The following ERAP2 variants were observed in gnomAD, a reference collection of about 807,000 sequenced individuals.
The protein encoded by ERAP2 is endoplasmic reticulum aminopeptidase 2.
Under a neutral mutation model 111.1 loss-of-function variants are expected in ERAP2, and 118 were observed. That is an observed-to-expected ratio of 1.06 (90% CI 0.92 to 1.24). ERAP2 has a LOEUF of 1.24. Ranked by LOEUF, ERAP2 falls within the 50% of genes most tolerant of loss-of-function variation. The pLI is 0.00. For missense variants in ERAP2, 1,131 were observed against 1,125.8 expected (o/e 1.00, Z -0.07); for synonymous variants, 410 against 401.2 (o/e 1.02, Z -0.26).
intron 5 of ERAP2, among the ~76,000 whole-genome samples, chr5:96,891,565 TATATGGTAC>T (rs1784399646): frequency 7.0e-6 from 1 of 142,060 alleles, no homozygotes; most frequent in Non-Finnish European, 1.5e-5. Flanking sequence ...CACACACACA[TATATGGTAC>T]ACACACACAC....
chr5:96,915,815 T>C, intron 18 of ERAP2, 46 bp downstream of exon 18: 2 of 1,440,194 alleles, frequency 1.4e-6, no homozygotes, highest in Non-Finnish European at 1.9e-6. Flanking sequence ...AATGTTCAAA[T>C]TGTGGAATTG....
intron 6 of ERAP2, among the ~76,000 whole-genome samples, chr5:96,894,227 T>C (rs1784649540): frequency 6.6e-6 from 1 of 152,188 alleles, no homozygotes; most frequent in Non-Finnish European, 1.5e-5. Context: ...TGCTAACTGG[T>C]AAAGTGGCTA....
In ERAP2 at chr5:96,886,697, T is replaced by C. The variant is rs1485818853; in HGVS notation, c.757T>C (p.Phe253Leu). The C allele has an allele frequency of 2.6e-6, 4 of 1,555,314 alleles. No individual in the cohort carries two copies. The East Asian group carries it at 6.8e-5, about 27-fold the overall frequency. Reference protein sequence around the residue: ...ELEGGLLEDHFETTVKMSTYL... With the variant: ...ELEGGLLEDHLETTVKMSTYL... Reference sequence around the variant, plus strand: ...TGAAGGAGGTCTTTTGGAAGATCACTTTGAAACTACTGTAAAAATGAGTAC... The same window carrying C: ...TGAAGGAGGTCTTTTGGAAGATCACCTTGAAACTACTGTAAAAATGAGTAC... Residue 253 changes from phenylalanine (F) to leucine (L), a missense_variant, in exon 4 of 19, where the codon TTT (phenylalanine) becomes CTT (leucine). By Grantham distance (22) the Phe-to-Leu change is conservative. This residue lies in a region of ERAP2 where 847 missense variants were observed against 856.5 expected (regional missense o/e 0.99). Transcript: ENST00000437043.
intron 6 of ERAP2, among the ~76,000 whole-genome samples, chr5:96,893,207 A>C (rs1784552804): frequency 6.6e-6 from 1 of 152,206 alleles, no homozygotes; most frequent in Admixed American, 6.5e-5. Context: ...ATTGGAGACT[A>C]TTCCCTCTAT....
intron 13 of ERAP2, among the ~76,000 whole-genome samples, chr5:96,906,611 G>A (rs183385755): frequency 3.3e-5 from 5 of 152,184 alleles, no homozygotes; most frequent in African/African-American, 1.2e-4. Context: ...ATTTTAGTTC[G>A]GTTTTCATAC....
In ERAP2 at chr5:96,896,635, A is replaced by G. The variant is rs947783655; in HGVS notation, c.1372-97A>G. 30 of 1,430,786 alleles carry G rather than the reference A, an allele frequency of 2.1e-5. No individual in the cohort carries two copies. In the Middle Eastern group the frequency reaches 1.2e-3, roughly 59 times the overall value. 88.6% of individuals were successfully genotyped at this position (1,430,786 alleles called of 1,614,324 possible). On this transcript the variant is annotated intron_variant, in intron 8 of 18. Coordinates refer to ENST00000437043, the MANE Select transcript of ERAP2 (RefSeq NM_022350.5). ...CTTTTTATTTGTTCACTTTTCAGAC[A>G]TCACACATGTTCCGTAAAATTTAAG...
Position 96,917,475 on chromosome 5 carries a change from T to C in ERAP2, c.2753T>C (p.Phe918Ser). Reference protein sequence around the residue: ...KDKLQEVKLFFESLEAQGSHL... With the variant: ...KDKLQEVKLFSESLEAQGSHL... ...AATATTTTACAGGTGAAACTATTTT[T>C]TGAATCTCTTGAGGCTCAAGGATCA... Residue 918 changes from phenylalanine (F) to serine (S), a missense_variant, in exon 19 of 19, where the codon TTT becomes TCT. Physicochemically the swap from Phe to Ser is radical, Grantham distance 155 (BLOSUM62 -2). Transcript: ENST00000437043. 6.2e-7 allele frequency: 1 copy of C among 1,609,876 alleles called. No individual in the cohort carries two copies. The highest frequency in any genetic ancestry group is 1.1e-5 in the South Asian group (1 of 90,160).
At position 96,896,773 on chromosome 5, in the gene ERAP2, G is replaced by A; in HGVS notation, c.1413G>A (p.Glu471=). The A allele has an allele frequency of 6.8e-7, 1 of 1,478,060 alleles. No individual in the cohort carries two copies. Among genetic ancestry groups the A allele is most frequent in the Non-Finnish European group, 9.0e-7 (1 of 1,112,946 alleles). The allele number at this position is 1,478,060 out of a possible 1,614,324, so 91.6% of individuals were successfully genotyped here. A position where few individuals can be genotyped will look rare whatever the true frequency, so the allele number is the denominator to read the frequency against. The change falls in exon 9 of 19, where the codon GAG becomes GAA. Residue 471 remains glutamate, a synonymous_variant. Transcript: ENST00000437043. ...ILNMLKDFLG[E]EKFQKGIIQY... is the part of the protein sequence containing the mutation. ...ATATGCTCAAGGATTTTCTGGGTGA[G>A]GAGAAATTCCAGAAAGGAATAATTC...
chr5:96,904,943 C>T (rs910526947), intron 13 of ERAP2, among the ~76,000 whole-genome samples: 4 of 152,096 alleles, frequency 2.6e-5, no homozygotes, highest in Admixed American at 1.3e-4. Context: ...TCAGGTATTA[C>T]CTCTTCACTT....
intron 18 of ERAP2, 134 bp from the exon 19 acceptor site, chr5:96,917,328 C>T: frequency 1.5e-6 from 1 of 658,040 alleles, no homozygotes; most frequent in Non-Finnish European, 2.5e-6. Flanking sequence ...GGCATGTTGC[C>T]TAGGCTCGTA....
intron 13 of ERAP2, among the ~76,000 whole-genome samples, chr5:96,903,949 C>T (rs1375745524): frequency 1.3e-5 from 2 of 152,212 alleles, no homozygotes; most frequent in Non-Finnish European, 2.9e-5. Context: ...CTGTTTCATT[C>T]ACTTAGTGTG....
chr5:96,900,708 A>G (rs251340), intron 10 of ERAP2, among the ~76,000 whole-genome samples: 94,739 of 151,900 alleles, frequency 0.62, 29,693 homozygotes, highest in South Asian at 0.73. Context: ...ACAAAGTCTC[A>G]CTCTGTTGCC....
intron 13 of ERAP2, among the ~76,000 whole-genome samples, chr5:96,907,976 T>C (rs1786285182): frequency 6.6e-6 from 1 of 152,150 alleles, no homozygotes; most frequent in Non-Finnish European, 1.5e-5. Flanking sequence ...GAAAAAAATT[T>C]CCATAAGTCT....
intron 4 of ERAP2, among the ~76,000 whole-genome samples, chr5:96,888,049 C>T (rs945041332): frequency 9.9e-5 from 15 of 150,936 alleles, no homozygotes; most frequent in East Asian, 3.9e-4. Flanking sequence ...CGCTTGAACC[C>T]GGGAGGCGGA....
chr5:96,907,012 G>C (rs1786167272), intron 13 of ERAP2, among the ~76,000 whole-genome samples: 1 of 152,160 alleles, frequency 6.6e-6, no homozygotes. Flanking sequence ...TGGGCAACAG[G>C]AGTGAAACTC....
intron 5 of ERAP2, 173 bp downstream of exon 5, chr5:96,889,478 A>T (rs1463278612): frequency 3.9e-6 from 3 of 764,082 alleles, no homozygotes; most frequent in Non-Finnish European, 6.9e-6. Flanking sequence ...TAAAATATTT[A>T]TGACATGCCC....
chr5:96,886,674 A>C lies in ERAP2; in HGVS notation c.734A>C (p.Glu245Ala). Residue 245 changes from glutamate to alanine, a missense_variant, in exon 4 of 19, where the codon GAA becomes GCA. Around this residue, in one of 3 missense-constraint regions of ERAP2, gnomAD observed 847 missense variants for 856.5 expected, o/e 0.99. Transcript: ENST00000437043. ...NMPKVKTIEL[E>A]GGLLEDHFET... ...CTGTAGGTTAAGACAATTGAACTTGAAGGAGGTCTTTTGGAAGATCACTTT... is the reference window on the plus strand; with the variant it reads ...CTGTAGGTTAAGACAATTGAACTTGCAGGAGGTCTTTTGGAAGATCACTTT... The C allele has an allele frequency of 6.5e-7, 1 of 1,542,670 alleles. No homozygotes were observed. Among genetic ancestry groups the C allele is most frequent in the Non-Finnish European group, 8.8e-7 (1 of 1,130,768 alleles).
rs201107819 is a variant in ERAP2, at chr5:96,903,389, T to A, written c.1841T>A (p.Leu614Gln). The A allele has an allele frequency of 6.2e-7, 1 of 1,612,398 alleles. No individual in the cohort carries two copies. Among genetic ancestry groups the A allele is most frequent in the Non-Finnish European group, 8.5e-7 (1 of 1,179,214 alleles). ...CTTATCCTCTTAGATACTCTGGATC[T>A]ACCTGAAAAGACCAGTTGGGTGAAA... ...ILKSKTDTLD[L>Q]PEKTSWVKFN... The change falls in exon 13 of 19, where the codon CTA (leucine) becomes CAA (glutamine). Residue 614 changes from leucine (L) to glutamine (Q), a missense_variant. Leu to Gln is a moderately radical substitution (Grantham distance 113). Transcript: ENST00000437043.
intron 3 of ERAP2, among the ~76,000 whole-genome samples, chr5:96,884,653 G>A (rs1056773626): frequency 5.9e-5 from 9 of 152,208 alleles, no homozygotes; most frequent in Middle Eastern, 3.4e-3. Context: ...AGCCTCCTGG[G>A]TTCAAGCAAT....
Sources: allele counts gnomAD v4.1 joint callset (sites outside exome capture counted in the v4.1 genomes callset), GRCh38; gene constraint gnomAD v4.1.1; regional missense constraint gnomAD v4.1.1; transcripts MANE v1.5; gene names NCBI Gene and HGNC (gene_info 2026-07-23, HGNC 2026-07-21).